The following FRMD4A variants were observed in gnomAD, a reference collection of about 807,000 sequenced individuals.
FRMD4A encodes FERM domain containing 4A.
A neutral mutation model predicts 129.1 loss-of-function variants in FRMD4A; 29 were observed. That is an observed-to-expected ratio of 0.22 (90% CI 0.17 to 0.31). The LOEUF is 0.31. Among genes scored for constraint, FRMD4A ranks in the 10% least tolerant of loss-of-function variants. The pLI, the probability that FRMD4A is intolerant of heterozygous loss-of-function variation, is 1.00. For missense variants in FRMD4A, 1,272 were observed against 1,375.8 expected (o/e 0.92, Z 1.19); for synonymous variants, 634 against 571.6 (o/e 1.11, Z -1.56).
At chr10:13,860,119 A>G (rs1179413104) in intron 2 of FRMD4A, among the ~76,000 whole-genome samples, 2 of 152,248 alleles carry the variant, frequency 1.3e-5, no homozygotes, top group Non-Finnish European at 2.9e-5. Context: ...ATGGATGTCA[A>G]CTGGTGACTG....
At chr10:13,717,791 G>A (rs1212688620) in intron 12 of FRMD4A, among the ~76,000 whole-genome samples, 1 of 149,802 alleles carries the variant, frequency 6.7e-6, no homozygotes, top group Non-Finnish European at 1.5e-5. Flanking sequence ...GCATCATAGA[G>A]ACATCCCGAT....
At chr10:13,825,679 G>A (rs2130920607) in intron 3 of FRMD4A, among the ~76,000 whole-genome samples, 1 of 152,338 alleles carries the variant, frequency 6.6e-6, no homozygotes, top group Admixed American at 6.5e-5. Context: ...ACAAAGGGAT[G>A]ATTCTTGTCC....
At chr10:13,700,583 G>A (rs2086713227) in intron 14 of FRMD4A, among the ~76,000 whole-genome samples, 1 of 152,204 alleles carries the variant, frequency 6.6e-6, no homozygotes, top group Non-Finnish European at 1.5e-5. Flanking sequence ...TCCCCTGAGG[G>A]AGAATGAATG....
At chr10:14,113,340 G>C (rs1033622636) in intron 2 of FRMD4A, among the ~76,000 whole-genome samples, 1 of 152,012 alleles carries the variant, frequency 6.6e-6, no homozygotes, top group African/African-American at 2.4e-5. Flanking sequence ...TAGGATAAAG[G>C]CCTTTATGAT....
At chr10:14,272,945 G>C (rs1220405174) in intron 2 of FRMD4A, among the ~76,000 whole-genome samples, 1 of 152,148 alleles carries the variant, frequency 6.6e-6, no homozygotes, top group Non-Finnish European at 1.5e-5. Flanking sequence ...GCTGGACACA[G>C]TGGCCTGCAC....
intron 2 of FRMD4A, among the ~76,000 whole-genome samples, chr10:14,207,975 G>T (rs745585097): frequency 6.6e-6 from 1 of 151,926 alleles, no homozygotes; most frequent in African/African-American, 2.4e-5. Flanking sequence ...CTGAGGCCAG[G>T]GGATCGCTTG....
At chr10:14,295,766 T>G (rs1287481933) in intron 2 of FRMD4A, among the ~76,000 whole-genome samples, 1 of 152,168 alleles carries the variant, frequency 6.6e-6, no homozygotes, top group Admixed American at 6.5e-5. Context: ...ATTCACATCT[T>G]AAAGATATGT....
intron 3 of FRMD4A, among the ~76,000 whole-genome samples, chr10:13,853,592 G>T (rs922192333): frequency 6.6e-6 from 1 of 151,996 alleles, no homozygotes; most frequent in African/African-American, 2.4e-5. Flanking sequence ...AGCACTTTGT[G>T]GGAGGCTGTT....
intron 2 of FRMD4A, among the ~76,000 whole-genome samples, chr10:13,961,799 TA>T (rs2095446716): frequency 6.6e-6 from 1 of 152,236 alleles, no homozygotes; most frequent in Non-Finnish European, 1.5e-5. Flanking sequence ...TAAATGATGT[TA>T]GATTTCCACC....
intron 2 of FRMD4A, among the ~76,000 whole-genome samples, chr10:14,128,868 G>A (rs1359719974): frequency 1.3e-5 from 2 of 152,246 alleles, no homozygotes; most frequent in Non-Finnish European, 1.5e-5. Flanking sequence ...TCACCCCTGA[G>A]TTGTGACAGT....
intron 2 of FRMD4A, among the ~76,000 whole-genome samples, chr10:14,217,608 A>G (rs746330783): frequency 1.3e-5 from 2 of 152,160 alleles, no homozygotes; most frequent in Non-Finnish European, 2.9e-5. Flanking sequence ...CAGCAGCATG[A>G]AAACAGAAGA....
intron 2 of FRMD4A, among the ~76,000 whole-genome samples, chr10:13,875,309 A>G (rs2094477441): frequency 6.6e-6 from 1 of 152,192 alleles, no homozygotes; most frequent in African/African-American, 2.4e-5. Context: ...AAATGAGGGG[A>G]GTCTGGAGAC....
chr10:13,696,833 T>TA (rs1358799765), intron 14 of FRMD4A, among the ~76,000 whole-genome samples: 2 of 152,312 alleles, frequency 1.3e-5, no homozygotes, highest in East Asian at 3.9e-4. Flanking sequence ...GATTCTCAGA[T>TA]ACATGTTTGT....
intron 2 of FRMD4A, among the ~76,000 whole-genome samples, chr10:13,998,450 G>A (rs577356011): frequency 2.0e-5 from 3 of 152,210 alleles, no homozygotes; most frequent in East Asian, 3.9e-4. Flanking sequence ...CTCCAATACA[G>A]ACCTCTCACC....
At chr10:14,273,847 T>A (rs1355067260) in intron 2 of FRMD4A, among the ~76,000 whole-genome samples, 1 of 152,160 alleles carries the variant, frequency 6.6e-6, no homozygotes, top group Non-Finnish European at 1.5e-5. Flanking sequence ...GAGATTTATT[T>A]AGTCAATCAA....
At chr10:13,772,472 C>T (rs2130742310) in intron 6 of FRMD4A, among the ~76,000 whole-genome samples, 1 of 152,174 alleles carries the variant, frequency 6.6e-6, no homozygotes. Flanking sequence ...CAACCCAGAC[C>T]ATTACAACTC....
Position 14,245,263 on chromosome 10 carries a change from G to T in FRMD4A, c.45+84795C>A, listed in dbSNP as rs541247760. Among the ~76,000 whole-genome samples the T allele has an allele frequency of 1.1e-3, 169 of 152,314 alleles. 3 individuals carry two copies. Among genetic ancestry groups the T allele is most frequent in the African/African-American group, 3.7e-3 (155 of 41,576 alleles). ...AGCATGGGAGGAGAGCATAGGCACC[G>T]GCCTTAGGTCTCCGGGTTCGTTGGT... is the stretch of plus-strand genomic sequence containing the variant. On this transcript the variant is annotated intron_variant, in intron 2 of 24. Transcript: ENST00000357447.
chr10:14,168,206 T>C (rs1335191713), intron 2 of FRMD4A, among the ~76,000 whole-genome samples: 4 of 152,178 alleles, frequency 2.6e-5, no homozygotes, highest in Non-Finnish European at 4.4e-5. Context: ...GGTGTGCTGG[T>C]AAATGACTAA....
chr10:14,093,810 C>T (rs75853274), intron 2 of FRMD4A, among the ~76,000 whole-genome samples: 5,560 of 152,260 alleles, frequency 0.037, 145 homozygotes, highest in Non-Finnish European at 0.052. Context: ...AGGAAGTTTA[C>T]GACCCACAAT....
Sources: gnomAD v4.1 joint callset for allele counts (sites outside exome capture counted in the v4.1 genomes callset) on GRCh38, gnomAD v4.1.1 for gene constraint, MANE v1.5 for transcripts, NCBI Gene and HGNC (gene_info 2026-07-23, HGNC 2026-07-21) for gene names.